MYH15: variants seen among roughly 807,000 people sequenced by gnomAD.
MYH15 encodes myosin-15.
MYH15 carries 227 observed loss-of-function variants against 240.5 expected under a neutral mutation model. The observed-to-expected ratio is 0.94, with a 90% confidence interval of 0.85 to 1.05. The LOEUF (loss-of-function observed/expected upper bound fraction) is 1.05. Among genes scored for constraint, MYH15 ranks in the 50% least tolerant of loss-of-function variants. The pLI, the probability that MYH15 is intolerant of heterozygous loss-of-function variation, is 0.00. For synonymous variants in MYH15, 785 were observed against 796.7 expected, an observed-to-expected ratio of 0.99 and a Z score of 0.25; for missense variants, 2,217 against 2,247.5, an observed-to-expected ratio of 0.99 and a Z score of 0.27.
At chr3:108,477,111 A>G (rs556253500) in intron 11 of MYH15, among the ~76,000 whole-genome samples, 29 of 152,302 alleles carry the variant, frequency 1.9e-4, no homozygotes, top group Non-Finnish European at 3.2e-4. Context: ...AATGTGGTAT[A>G]CTCATATAAT....
chr3:108,548,866 A>G, the MYH15 span, among the ~76,000 whole-genome samples: 1 of 152,126 alleles, frequency 6.6e-6, no homozygotes, highest in Admixed American at 6.6e-5. Flanking sequence ...TTTATTCTTA[A>G]GTAACTAGTC....
At chr3:108,474,780 C>A (rs1440687404) in intron 12 of MYH15, among the ~76,000 whole-genome samples, 3 of 152,132 alleles carry the variant, frequency 2.0e-5, no homozygotes, top group Non-Finnish European at 4.4e-5. Flanking sequence ...AACTCTAACC[C>A]CCTGCCAAGA....
intron 35 of MYH15, among the ~76,000 whole-genome samples, chr3:108,396,472 A>G (rs1181006770): frequency 6.6e-6 from 1 of 152,174 alleles, no homozygotes; most frequent in South Asian, 2.1e-4. Flanking sequence ...TCCTATGAGA[A>G]TCTAGTGCTG....
At chr3:108,479,247 T>C (rs1328938704) in intron 11 of MYH15, among the ~76,000 whole-genome samples, 1 of 152,208 alleles carries the variant, frequency 6.6e-6, no homozygotes, top group African/African-American at 2.4e-5. Flanking sequence ...TAAGCATCAG[T>C]TCCTTCAGGA....
intron 30 of MYH15, among the ~76,000 whole-genome samples, chr3:108,412,524 C>G (rs1358246041): frequency 1.3e-5 from 2 of 152,182 alleles, no homozygotes. Flanking sequence ...GGACATGAGA[C>G]TTTCAAAGCT....
the MYH15 span, among the ~76,000 whole-genome samples, chr3:108,539,752 A>G: frequency 6.6e-6 from 1 of 150,938 alleles, no homozygotes. Context: ...GAGTAGAGAT[A>G]ATATTATCTG....
chr3:108,408,533 C>A, intron 31 of MYH15, 129 bp from the exon 32 acceptor site: 1 of 903,876 alleles, frequency 1.1e-6, no homozygotes, highest in Non-Finnish European at 1.6e-6. Flanking sequence ...ACTTGATGAC[C>A]TATCCTATAT....
chr3:108,470,143 T>G lies in MYH15; in HGVS notation c.1453A>C (p.Met485Leu), dbSNP rs779729382. 1 of 1,610,838 alleles carries G rather than the reference T, an allele frequency of 6.2e-7. No individual in the cohort carries two copies. The highest frequency in any genetic ancestry group is 1.1e-5 in the South Asian group (1 of 90,204). Residue 485 changes from methionine to leucine, a missense_variant, in exon 14 of 41, where the codon ATG becomes CTG. Met to Leu is a conservative substitution (Grantham distance 15). Transcript: ENST00000693548. ...TATTCCTCTTGCTCCAGAACAAACA[T>G]GTGCCAATTGAAGAATTGTTGTAAT... ...EKLQQFFNWH[M>L]FVLEQEEYKK...
At chr3:108,512,551 C>G (rs2083529552), upstream of MYH15, among the ~76,000 whole-genome samples, 1 of 152,096 alleles carries the variant, frequency 6.6e-6, no homozygotes, top group Non-Finnish European at 1.5e-5. Context: ...CATGTGTGTA[C>G]AAACTTCCTG....
At chr3:108,388,791 C>G (rs1039447081) in intron 38 of MYH15, among the ~76,000 whole-genome samples, 179 bp downstream of exon 38, 4 of 152,114 alleles carry the variant, frequency 2.6e-5, no homozygotes, top group Non-Finnish European at 5.9e-5. Context: ...GAAAAGAGAC[C>G]GATCCAAACC....
At position 108,459,376 on chromosome 3, in the gene MYH15, A is replaced by G. The variant is rs547076458; in HGVS notation, c.2006T>C (p.Val669Ala). The G allele has an allele frequency of 1.9e-6, 3 of 1,593,068 alleles. No homozygotes were observed. The Admixed American group carries it at 5.3e-5, about 28-fold the overall frequency. Reference sequence around the variant, plus strand: ...CTAGTTCTTACCTGGTATTTTGTTCACATTGGGATTTATGCATCTCACAAA... The same window carrying G: ...CTAGTTCTTACCTGGTATTTTGTTCGCATTGGGATTTATGCATCTCACAAA... ...PHFVRCINPN[V>A]NKIPGILDPY... Residue 669 changes from valine (V) to alanine (A), a missense_variant, in exon 18 of 41, where the codon GTG (valine) becomes GCG (alanine). By Grantham distance (64) the Val-to-Ala change is moderately conservative (BLOSUM62 0). Coordinates refer to ENST00000693548, the MANE Select transcript of MYH15 (RefSeq NM_014981.3).
the MYH15 span, among the ~76,000 whole-genome samples, chr3:108,549,186 C>T: frequency 1.3e-5 from 2 of 151,556 alleles, no homozygotes; most frequent in East Asian, 3.9e-4. Flanking sequence ...GACATGCATA[C>T]ACACATACAA....
At chr3:108,484,298 G>T (rs999703208) in intron 11 of MYH15, among the ~76,000 whole-genome samples, 4 of 151,916 alleles carry the variant, frequency 2.6e-5, no homozygotes, top group Admixed American at 1.3e-4. Flanking sequence ...AATATTTCTG[G>T]TAAGCAGATA....
intron 7 of MYH15, among the ~76,000 whole-genome samples, chr3:108,494,392 TCTC>T (rs1399768084): frequency 6.6e-6 from 1 of 152,200 alleles, no homozygotes; most frequent in East Asian, 1.9e-4. Context: ...TTTTTCTTTC[TCTC>T]TTCTTTCTTT....
chr3:108,535,760 CTTA>C, the MYH15 span, among the ~76,000 whole-genome samples: 3 of 152,008 alleles, frequency 2.0e-5, no homozygotes, highest in Non-Finnish European at 4.4e-5. Flanking sequence ...ACTGTTTCGA[CTTA>C]TTATTTGATC....
chr3:108,464,164 G>T (rs145628293), intron 15 of MYH15, among the ~76,000 whole-genome samples: 1,919 of 152,230 alleles, frequency 0.013, 19 homozygotes, highest in Non-Finnish European at 0.019. Context: ...AGAAAAAGGG[G>T]CATATACACT....
chr3:108,451,361 T>C (rs570753475), intron 21 of MYH15, among the ~76,000 whole-genome samples: 3 of 152,030 alleles, frequency 2.0e-5, no homozygotes, highest in Admixed American at 6.6e-5. Context: ...GCCTGGGCGA[T>C]AGAGAGAGAC....
chr3:108,531,894 T>C (rs531991389), upstream of MYH15, among the ~76,000 whole-genome samples: 1 of 152,168 alleles, frequency 6.6e-6, no homozygotes, highest in Admixed American at 6.5e-5. Context: ...ACTTGACACT[T>C]AGAGAGGTTA....
At chr3:108,455,196 G>C (rs1294519468) in intron 20 of MYH15, among the ~76,000 whole-genome samples, 1 of 152,184 alleles carries the variant, frequency 6.6e-6, no homozygotes, top group East Asian at 1.9e-4. Context: ...TGATAAGTTA[G>C]AAGTTTCCCA....
Sources: allele counts gnomAD v4.1 joint callset (sites outside exome capture counted in the v4.1 genomes callset), GRCh38; gene constraint gnomAD v4.1.1; transcripts MANE v1.5; gene names NCBI Gene and HGNC (gene_info 2026-07-23, HGNC 2026-07-21).